SCN10A: variants seen among roughly 807,000 people sequenced by gnomAD.
The protein encoded by SCN10A is sodium channel protein type 10 subunit alpha.
A neutral mutation model predicts 170.7 loss-of-function variants in SCN10A; 162 were observed. The ratio of observed to expected loss-of-function variants is 0.95; its 90% CI spans 0.84 to 1.08. SCN10A has a LOEUF of 1.08. SCN10A is among the 50% of genes least tolerant of loss of function. The pLI is 0.00. For missense variants in SCN10A, 2,527 were observed against 2,436.9 expected, an observed-to-expected ratio of 1.04 and a Z score of -0.78; for synonymous variants, 985 against 904.6, an observed-to-expected ratio of 1.09 and a Z score of -1.59.
At position 38,756,799 on chromosome 3, in the gene SCN10A, C is replaced by T. The variant is rs1177765772; in HGVS notation, c.1165G>A (p.Val389Ile). The change falls in exon 10 of 28, where the codon GTC becomes ATC. Residue 389 changes from valine (V) to isoleucine (I), a missense_variant. Val to Ile is a conservative substitution (Grantham distance 29). Transcript: ENST00000449082. The part of the protein sequence containing the change: ...LVIFLGSFYL[V>I]NLILAVVTMA... ...GTGACTACAGCCAAGATCAAGTTGACCAGGTAGAAAGATCCCAGGAAGATT... is the reference window on the plus strand; with the variant it reads ...GTGACTACAGCCAAGATCAAGTTGATCAGGTAGAAAGATCCCAGGAAGATT... The T allele has an allele frequency of 6.8e-6, 11 of 1,613,992 alleles. No homozygotes were observed. Among genetic ancestry groups the T allele is most frequent in the Non-Finnish European group, 9.3e-6 (11 of 1,180,028 alleles).
chr3:38,764,145 C>T (rs1200870601), intron 5 of SCN10A, among the ~76,000 whole-genome samples: 4 of 152,182 alleles, frequency 2.6e-5, no homozygotes, highest in African/African-American at 7.2e-5. Context: ...ACATGGACAC[C>T]CATGCAAATC....
Position 38,722,175 on chromosome 3 carries a change from C to A in SCN10A, c.3507+83G>T, listed in dbSNP as rs575719667. On this transcript the variant is annotated intron_variant, in intron 20 of 27. Coordinates refer to ENST00000449082, the MANE Select transcript of SCN10A (RefSeq NM_006514.4). ...CTTTCAGCTCAGTAGTCAGGAGAAC[C>A]CACTGATGCAGCTCCAGGGCCTTTG... is the stretch of plus-strand genomic sequence containing the variant. 65 of 1,366,700 alleles carry A rather than the reference C, an allele frequency of 4.8e-5. No homozygotes were observed. The Admixed American group carries it at 1.2e-3, about 26-fold the overall frequency. 84.7% of individuals were successfully genotyped at this position (1,366,700 alleles called of 1,614,324 possible).
At chr3:38,705,566 C>T (rs1463806503) in intron 26 of SCN10A, among the ~76,000 whole-genome samples, 3 of 152,154 alleles carry the variant, frequency 2.0e-5, no homozygotes, top group African/African-American at 4.8e-5. Flanking sequence ...TAGGTAGATG[C>T]CCTCTCCAGG....
Position 38,788,177 on chromosome 3 carries a change from C to T in SCN10A, c.470+779G>A, listed in dbSNP as rs527308424. Reference sequence around the variant, plus strand: ...CTTTAATCTATTAATAAAAATATAACGTATTTTCTGTTGTGGCATGCATTA... The same window carrying T: ...CTTTAATCTATTAATAAAAATATAATGTATTTTCTGTTGTGGCATGCATTA... On this transcript the variant is annotated intron_variant, in intron 4 of 27. Transcript: ENST00000449082. Among the ~76,000 whole-genome samples, 6 of 130,554 alleles carry T rather than the reference C, an allele frequency of 4.6e-5. No homozygotes were observed. The South Asian group carries it at 9.6e-4, about 21-fold the overall frequency. 85.6% of individuals were successfully genotyped at this position (130,554 alleles called of 152,430 possible).
chr3:38,807,593 A>G (rs1270851872), intron 1 of SCN10A, among the ~76,000 whole-genome samples: 1 of 152,112 alleles, frequency 6.6e-6, no homozygotes, highest in Non-Finnish European at 1.5e-5. Flanking sequence ...ACTGGAGGTC[A>G]TTAAATATCA....
At chr3:38,737,240 G>A (rs1198457840) in intron 15 of SCN10A, among the ~76,000 whole-genome samples, 2 of 151,988 alleles carry the variant, frequency 1.3e-5, no homozygotes, top group Non-Finnish European at 2.9e-5. Flanking sequence ...AAAGTGCTGG[G>A]ATTACAGGCG....
At chr3:38,772,209 A>C (rs1195246546) in intron 4 of SCN10A, among the ~76,000 whole-genome samples, 2 of 152,078 alleles carry the variant, frequency 1.3e-5, no homozygotes, top group African/African-American at 4.8e-5. Flanking sequence ...CCAGAAGATA[A>C]TCTGGTTTAG....
At chr3:38,794,181 C>T (rs2064322287) in intron 1 of SCN10A, 139 bp from the exon 2 acceptor site, 1 of 627,710 alleles carries the variant, frequency 1.6e-6, no homozygotes, top group African/African-American at 1.8e-5. Flanking sequence ...ACACTTGGCT[C>T]CTCCCAGGAA....
At position 38,771,361 on chromosome 3, in the gene SCN10A, G is replaced by C. The variant is rs2063998169; in HGVS notation, c.517C>G (p.Leu173Val). 6.2e-7 allele frequency: 1 copy of C among 1,614,004 alleles called. No individual in the cohort carries two copies. The highest frequency in any genetic ancestry group is 8.5e-7 in the Non-Finnish European group (1 of 1,179,994). The change falls in exon 5 of 28, where the codon CTG becomes GTG. Residue 173 changes from leucine (L) to valine (V), a missense_variant. By Grantham distance (32) the Leu-to-Val change is conservative. Coordinates refer to ENST00000449082, the MANE Select transcript of SCN10A (RefSeq NM_006514.4). ...IYTFEALIKI[L>V]ARGFCLNEFT... ...TCATTTAGACAAAATCCTCTTGCCA[G>C]TATCTTTATCAAGGCTTCAAAGGTG... is the stretch of plus-strand genomic sequence containing the variant.
At chr3:38,725,468 G>C (rs780245371) in intron 17 of SCN10A, among the ~76,000 whole-genome samples, 154 bp from the exon 18 acceptor site, 17 of 152,348 alleles carry the variant, frequency 1.1e-4, no homozygotes, top group South Asian at 6.2e-4. Context: ...TGTGTGAAGT[G>C]AGCATGAAGA....
rs1301536509 is a variant in SCN10A, at chr3:38,810,333, A to G, written c.-33+5704T>C. 2.6e-5 allele frequency among the ~76,000 whole-genome samples: 4 copies of G among 152,226 alleles called. No homozygotes were observed. In the East Asian group the frequency reaches 7.7e-4, roughly 29 times the overall value. On this transcript the variant is annotated intron_variant, in intron 1 of 27. Coordinates refer to ENST00000449082, the MANE Select transcript of SCN10A (RefSeq NM_006514.4). Reference sequence around the variant, plus strand: ...GCCAACCAGTATAACGCAGCCCTTCAGTTTATTCCAGGGAAGCAAAGGATA... The same window carrying G: ...GCCAACCAGTATAACGCAGCCCTTCGGTTTATTCCAGGGAAGCAAAGGATA...
At position 38,697,783 on chromosome 3, in the gene SCN10A, C is replaced by T; in HGVS notation, c.5437G>A (p.Gly1813Arg). The T allele has an allele frequency of 6.2e-7, 1 of 1,614,154 alleles. No homozygotes were observed. Among genetic ancestry groups the T allele is most frequent in the Non-Finnish European group, 8.5e-7 (1 of 1,180,022 alleles). Residue 1813 changes from glycine (G) to arginine (R), a missense_variant, in exon 28 of 28, where the codon GGA (glycine) becomes AGA (arginine). Gly to Arg is a moderately radical substitution (Grantham distance 125, BLOSUM62 -2). Transcript: ENST00000449082. ...ILFAFTKNVL[G>R]ESGELDSLKA... ...AGAGAATCCAACTCCCCGGATTCTC[C>T]TAGGACATTCTTGGTGAAAGCAAAA...
At chr3:38,707,912 C>T (rs1218509537) in intron 25 of SCN10A, among the ~76,000 whole-genome samples, 1 of 152,132 alleles carries the variant, frequency 6.6e-6, no homozygotes, top group Non-Finnish European at 1.5e-5. Flanking sequence ...TCTCTTGAGG[C>T]CCTGCCAGTC....
chr3:38,754,784 T>C (rs1353040094), intron 11 of SCN10A, among the ~76,000 whole-genome samples: 1 of 152,040 alleles, frequency 6.6e-6, no homozygotes, highest in African/African-American at 2.4e-5. Flanking sequence ...GGAGAGATGG[T>C]ATTGCAAAAA....
intron 15 of SCN10A, among the ~76,000 whole-genome samples, chr3:38,733,246 G>T (rs1278989156): frequency 6.6e-6 from 1 of 152,028 alleles, no homozygotes; most frequent in African/African-American, 2.4e-5. Flanking sequence ...CAAGCAGGAG[G>T]CAAACTTTGA....
chr3:38,760,397 G>A (rs1018962668), intron 8 of SCN10A, among the ~76,000 whole-genome samples: 1 of 152,206 alleles, frequency 6.6e-6, no homozygotes, highest in African/African-American at 2.4e-5. Flanking sequence ...CCTAGTCAAT[G>A]TCACCCAATG....
intron 26 of SCN10A, 127 bp downstream of exon 26, chr3:38,707,152 A>G: frequency 1.0e-6 from 1 of 963,002 alleles, no homozygotes; most frequent in Non-Finnish European, 1.5e-6. Flanking sequence ...CATCACCCTC[A>G]TCCCAACGTC....
chr3:38,698,278 C>G lies in SCN10A; in HGVS notation c.4942G>C (p.Ala1648Pro). 1 of 1,614,032 alleles carries G rather than the reference C, an allele frequency of 6.2e-7. No individual in the cohort carries two copies. The highest frequency in any genetic ancestry group is 8.5e-7 in the Non-Finnish European group (1 of 1,180,002). The change falls in exon 28 of 28, where the codon GCC becomes CCC. Residue 1648 changes from alanine (A) to proline (P), a missense_variant. Ala to Pro is a conservative substitution (Grantham distance 27). Transcript: ENST00000449082. ...IDDMFNFQTFANSMLCLFQIT... is the reference protein window; with the variant it reads ...IDDMFNFQTFPNSMLCLFQIT... The stretch of plus-strand genomic sequence containing the variant: ...TGGAAGAGGCACAGCATGCTGTTGG[C>G]GAAGGTCTGGAAGTTGAACATGTCG...
At chr3:38,797,142 C>A (rs968474288) in intron 1 of SCN10A, among the ~76,000 whole-genome samples, 1 of 151,982 alleles carries the variant, frequency 6.6e-6, no homozygotes, top group Non-Finnish European at 1.5e-5. Flanking sequence ...GTGGCAGAGG[C>A]AGTGCTTAAA....
Sources: gnomAD v4.1 joint callset for allele counts (sites outside exome capture counted in the v4.1 genomes callset) on GRCh38, gnomAD v4.1.1 for gene constraint, MANE v1.5 for transcripts, NCBI Gene and HGNC (gene_info 2026-07-23, HGNC 2026-07-21) for gene names.